The following IGF1R variants were observed in gnomAD, a reference collection of about 807,000 sequenced individuals.
The protein encoded by IGF1R is insulin-like growth factor 1 receptor.
A neutral mutation model predicts 144.6 loss-of-function variants in IGF1R; 44 were observed. The observed-to-expected ratio is 0.30, with a 90% confidence interval of 0.24 to 0.39. IGF1R has a LOEUF of 0.39. Ranked by LOEUF, IGF1R falls within the 10% of genes least tolerant of loss-of-function variation. IGF1R has a pLI of 1.00. For missense variants in IGF1R, 1,355 were observed against 1,833.7 expected (o/e 0.74, Z 4.77); for synonymous variants, 795 against 722.8 (o/e 1.10, Z -1.60).
chr15:98,905,389 G>A (rs1298527388), intron 5 of IGF1R, among the ~76,000 whole-genome samples: 13 of 152,070 alleles, frequency 8.5e-5, no homozygotes, highest in Admixed American at 8.5e-4. Flanking sequence ...AGGTGTGGTG[G>A]CTCACACCTG....
At chr15:98,744,196 A>G (rs1436719601) in intron 2 of IGF1R, among the ~76,000 whole-genome samples, 1 of 152,058 alleles carries the variant, frequency 6.6e-6, no homozygotes, top group Non-Finnish European at 1.5e-5. Context: ...TTCAAGGGCC[A>G]GGTAGAGGAT....
intron 2 of IGF1R, among the ~76,000 whole-genome samples, chr15:98,712,409 C>T (rs2054013696): frequency 6.6e-6 from 1 of 151,978 alleles, no homozygotes; most frequent in African/African-American, 2.4e-5. Context: ...CTTTTGTTCC[C>T]CTGGTTCTTA....
At chr15:98,708,323 C>T (rs763449400) in intron 2 of IGF1R, among the ~76,000 whole-genome samples, 21 of 152,124 alleles carry the variant, frequency 1.4e-4, no homozygotes, top group Non-Finnish European at 7.3e-5. Flanking sequence ...GGGACTGTGG[C>T]GTGGCTGGAG....
chr15:98,651,593 C>T (rs1050825065), intron 1 of IGF1R, among the ~76,000 whole-genome samples: 3 of 152,218 alleles, frequency 2.0e-5, no homozygotes, highest in Non-Finnish European at 2.9e-5. Flanking sequence ...GCAGGGATGG[C>T]CTTCGCCGAC....
intron 15 of IGF1R, among the ~76,000 whole-genome samples, chr15:98,933,428 C>T (rs1452634892): frequency 2.0e-5 from 3 of 152,030 alleles, no homozygotes; most frequent in Non-Finnish European, 4.4e-5. Context: ...CCAGTAGCCT[C>T]AACCTCCTGG....
At chr15:98,956,844 G>A (rs2017007086) in intron 20 of IGF1R, among the ~76,000 whole-genome samples, 1 of 152,198 alleles carries the variant, frequency 6.6e-6, no homozygotes, top group Admixed American at 6.5e-5. Flanking sequence ...TCTGGGTTCT[G>A]GGGGAAGAGA....
In IGF1R at chr15:98,959,194, CATAT is replaced by C. The variant is rs760831806; in HGVS notation, c.*1761_*1764del. 6 of 233,038 alleles carry C rather than the reference CATAT, an allele frequency of 2.6e-5. No homozygotes were observed. The highest frequency in any genetic ancestry group is 5.6e-5 in the Admixed American group (1 of 17,760). The allele number at this position is 233,038 out of a possible 1,614,324, so 14.4% of individuals were successfully genotyped here. On this transcript the variant is annotated 3_prime_UTR_variant, in exon 21 of 21. Transcript: ENST00000650285. ...TTGCCTTTGCTTAGGTTGTGACACA[CATAT>C]ATATATATTTTTTTAATTCTTGGGT...
chr15:98,754,595 C>T (rs752538690), intron 2 of IGF1R, among the ~76,000 whole-genome samples: 3 of 152,180 alleles, frequency 2.0e-5, no homozygotes, highest in African/African-American at 4.8e-5. Context: ...TGCTGCGTTC[C>T]GAAGCAGCAC....
At chr15:98,900,799 TG>T (rs2014443056) in intron 5 of IGF1R, 1 of 152,164 alleles carries the variant, frequency 6.6e-6, no homozygotes. Context: ...AATTTTAAAA[TG>T]AATTTTTCTC....
intron 2 of IGF1R, among the ~76,000 whole-genome samples, chr15:98,719,822 C>A (rs1210442082): frequency 6.6e-6 from 1 of 152,148 alleles, no homozygotes; most frequent in Non-Finnish European, 1.5e-5. Context: ...TGGAAAGCTT[C>A]TGTTGCTTAT....
chr15:98,921,178 C>G (rs141494221), intron 10 of IGF1R, among the ~76,000 whole-genome samples: 54 of 152,350 alleles, frequency 3.5e-4, no homozygotes, highest in African/African-American at 1.3e-3. Context: ...CATGGCTGAC[C>G]TGAGGGTTGC....
chr15:98,951,737 A>G (rs1168341328), intron 20 of IGF1R, among the ~76,000 whole-genome samples: 1 of 152,116 alleles, frequency 6.6e-6, no homozygotes, highest in Non-Finnish European at 1.5e-5. Flanking sequence ...AGCACTGCCC[A>G]AGTGTCTCAG....
intron 18 of IGF1R, among the ~76,000 whole-genome samples, chr15:98,940,711 G>C (rs570660667): frequency 6.6e-6 from 1 of 152,342 alleles, no homozygotes; most frequent in East Asian, 1.9e-4. Flanking sequence ...AGCTGAGAAT[G>C]GTTTCTAAAG....
rs1004983674 is a variant in IGF1R at position 98,961,761 on chromosome 15, G to T, written c.*4319G>T. The T allele has an allele frequency of 3.0e-5, 7 of 233,390 alleles. No individual in the cohort carries two copies. The highest frequency in any genetic ancestry group is 5.9e-5 in the Non-Finnish European group (7 of 118,066). 14.5% of individuals were successfully genotyped at this position (233,390 alleles called of 1,614,324 possible). On this transcript the variant is annotated 3_prime_UTR_variant, in exon 21 of 21. Coordinates refer to ENST00000650285, the MANE Select transcript of IGF1R (RefSeq NM_000875.5). The stretch of plus-strand genomic sequence containing the variant: ...CTTGATCAAGACCCAGACCACCCCA[G>T]GTCTCCTTCGTGGGATGTCATGACG...
chr15:98,901,671 C>A (rs144711104), intron 5 of IGF1R, among the ~76,000 whole-genome samples: 373 of 152,298 alleles, frequency 2.4e-3, no homozygotes, highest in African/African-American at 8.4e-3. Flanking sequence ...AGAACTCGCA[C>A]AGTGATACAA....
At chr15:98,916,284 C>T (rs1431077979) in intron 9 of IGF1R, among the ~76,000 whole-genome samples, 153 bp downstream of exon 9, 1 of 129,494 alleles carries the variant, frequency 7.7e-6, no homozygotes, top group Non-Finnish European at 1.6e-5. Context: ...TTTTTTGAGA[C>T]AGAGTCTCAC....
intron 2 of IGF1R, among the ~76,000 whole-genome samples, chr15:98,789,094 C>G (rs2056071762): frequency 1.3e-5 from 2 of 152,310 alleles, no homozygotes; most frequent in African/African-American, 4.8e-5. Flanking sequence ...GCTCACTTTC[C>G]TGTTCATTTA....
chr15:98,765,871 G>C (rs534462871), intron 2 of IGF1R, among the ~76,000 whole-genome samples: 1 of 152,298 alleles, frequency 6.6e-6, no homozygotes, highest in Non-Finnish European at 1.5e-5. Context: ...GTCCAGCAGG[G>C]AGAGGGCAGA....
At chr15:98,790,161 T>G (rs2056096492) in intron 2 of IGF1R, among the ~76,000 whole-genome samples, 1 of 151,956 alleles carries the variant, frequency 6.6e-6, no homozygotes, top group African/African-American at 2.4e-5. Context: ...GTCATTGCAG[T>G]GTGTGAGGTG....
Sources: allele counts gnomAD v4.1 joint callset (sites outside exome capture counted in the v4.1 genomes callset), GRCh38; gene constraint gnomAD v4.1.1; transcripts MANE v1.5; gene names NCBI Gene and HGNC (gene_info 2026-07-23, HGNC 2026-07-21).